MICAL1: variants seen among roughly 807,000 people sequenced by gnomAD.
The protein encoded by MICAL1 is microtubule associated monooxygenase, calponin and LIM domain containing 1, also known as [F-actin]-monooxygenase MICAL1.
Under a neutral mutation model 131.8 loss-of-function variants are expected in MICAL1, and 95 were observed. That is an observed-to-expected ratio of 0.72 (90% CI 0.61 to 0.86). The LOEUF is 0.86. Among genes scored for constraint, MICAL1 ranks in the 40% least tolerant of loss-of-function variants. The pLI is 0.00. For synonymous variants in MICAL1, 546 were observed against 554.2 expected, an observed-to-expected ratio of 0.99 and a Z score of 0.21; for missense variants, 1,292 against 1,380.6, an observed-to-expected ratio of 0.94 and a Z score of 1.02.
Position 109,455,637 on chromosome 6 carries a change from G to T in MICAL1, c.-44+82C>A. The T allele has an allele frequency of 1.1e-6, 1 of 904,554 alleles. No homozygotes were observed. Among genetic ancestry groups the T allele is most frequent in the Non-Finnish European group, 1.3e-6 (1 of 755,762 alleles). 56.0% of individuals were successfully genotyped at this position (904,554 alleles called of 1,614,324 possible). A position where few individuals can be genotyped will look rare whatever the true frequency, so the allele number is the denominator to read the frequency against. ...TGCCAGGCGTGGTTCCCGAGCGACCGCAGCTGCGTTTCCCCGGAAGCGCAC... is the reference window on the plus strand; with the variant it reads ...TGCCAGGCGTGGTTCCCGAGCGACCTCAGCTGCGTTTCCCCGGAAGCGCAC... On this transcript the variant is annotated intron_variant, in intron 1 of 24. Coordinates refer to ENST00000358807, the MANE Select transcript of MICAL1 (RefSeq NM_022765.4). This position sits in a 1 kb window ranked among gnomAD's most constrained non-coding sequence, Gnocchi z 4.7.
chr6:109,449,581 C>T (rs1419029912), intron 10 of MICAL1, 76 bp downstream of exon 10: 30 of 1,601,940 alleles, frequency 1.9e-5, no homozygotes, highest in African/African-American at 4.0e-5. Context: ...CAAAGGGCAG[C>T]GACTGGGCAG....
chr6:109,464,905 C>A (rs79528449), intron 1 of MICAL1: 1 of 152,154 alleles, frequency 6.6e-6, no homozygotes, highest in African/African-American at 2.4e-5. Flanking sequence ...AGTTATCAGA[C>A]ACAACACGTA....
Position 109,448,867 on chromosome 6 carries a change from G to GT in MICAL1, c.1528dup (p.Thr510AsnfsTer30). On this transcript the variant is annotated frameshift_variant, in exon 12 of 25. Coordinates refer to ENST00000358807, the MANE Select transcript of MICAL1 (RefSeq NM_022765.4). LOFTEE classifies it high-confidence loss of function. Reference sequence around the variant, plus strand: ...GCACCAGCGTAGCAGCTCCTCCTGGGTGCCTGCCGACCCTGGGAAAGAAGG... The same window carrying GT: ...GCACCAGCGTAGCAGCTCCTCCTGGGTTGCCTGCCGACCCTGGGAAAGAAGG... The GT allele has an allele frequency of 1.2e-6, 2 of 1,613,586 alleles. No homozygotes were observed. The highest frequency in any genetic ancestry group is 2.2e-5 in the South Asian group (2 of 91,082).
chr6:109,449,259 C>G, intron 11 of MICAL1, 141 bp downstream of exon 11: 1 of 919,048 alleles, frequency 1.1e-6, no homozygotes, highest in Non-Finnish European at 1.8e-6. Context: ...CTCCAGCAGG[C>G]CCCCAACCAA....
At position 109,452,569 on chromosome 6, in the gene MICAL1, CAGCTGGGCAGGGGGGTTGGGTTGG is replaced by C; in HGVS notation, c.594_617del (p.Gln199_Leu206del). 1 of 1,613,684 alleles carries C rather than the reference CAGCTGGGCAGGGGGGTTGGGTTGG, an allele frequency of 6.2e-7. No individual in the cohort carries two copies. Among genetic ancestry groups the C allele is most frequent in the Non-Finnish European group, 8.5e-7 (1 of 1,179,928 alleles). ...TAAGGACGTCAAATTCATAGTTGGC[CAGCTGGGCAGGGGGGTTGGGTTGG>C]AGCTGGGCACGCCAGCCACTCCCTA... On this transcript the variant is annotated inframe_deletion, in exon 5 of 25. Coordinates refer to ENST00000358807, the MANE Select transcript of MICAL1 (RefSeq NM_022765.4).
At chr6:109,464,501 C>T (rs1775985236) in intron 1 of MICAL1, 2 of 152,188 alleles carry the variant, frequency 1.3e-5, no homozygotes, top group African/African-American at 4.8e-5. Flanking sequence ...CCCCTACCAG[C>T]TTACATGAAA....
rs755069322 is a variant in MICAL1 at position 109,455,073 on chromosome 6, C to G, written c.-44+646G>C. Among the ~76,000 whole-genome samples, 1 of 150,442 alleles carries G rather than the reference C, an allele frequency of 6.6e-6. No individual in the cohort carries two copies. Among genetic ancestry groups the G allele is most frequent in the South Asian group, 2.1e-4 (1 of 4,722 alleles). The stretch of plus-strand genomic sequence containing the variant: ...CCGCCCCGCCCCCTGTGCGCCCGGG[C>G]GCGCTCTCCCAGGAATCTCCGGAGA... On this transcript the variant is annotated intron_variant, in intron 1 of 24. Coordinates refer to ENST00000358807, the MANE Select transcript of MICAL1 (RefSeq NM_022765.4). The surrounding 1 kb of genome is among the most constrained non-coding windows in gnomAD (Gnocchi z 4.7).
Position 109,447,344 on chromosome 6 carries a change from G to A in MICAL1, c.2070+13C>T, listed in dbSNP as rs1484413292. On this transcript the variant is annotated intron_variant, in intron 16 of 24. Transcript: ENST00000358807. ...CCCCGGGCCTCTGCCTGCACACAAA[G>A]CCTGGCTCTCACCTCCTGGTGTTGG... is the stretch of plus-strand genomic sequence containing the variant. 1 of 1,613,414 alleles carries A rather than the reference G, an allele frequency of 6.2e-7. No individual in the cohort carries two copies. Among genetic ancestry groups the A allele is most frequent in the Non-Finnish European group, 8.5e-7 (1 of 1,179,864 alleles).
In MICAL1 at chr6:109,450,455, G is replaced by A. The variant is rs1407500451; in HGVS notation, c.1036C>T (p.Leu346Phe). The A allele has an allele frequency of 3.1e-6, 5 of 1,613,448 alleles. No individual in the cohort carries two copies. The East Asian group carries it at 1.1e-4, about 36-fold the overall frequency. The change falls in exon 8 of 25, where the codon CTC becomes TTC. Residue 346 changes from leucine (L) to phenylalanine (F), a missense_variant. Leu to Phe is a conservative substitution (Grantham distance 22). Transcript: ENST00000358807. The stretch of plus-strand genomic sequence containing the variant: ...TCCTGGGCAAACTCTAGTTTCCCGA[G>A]CTTGCCATGGGTGGCAAAGTCAGCA... ...AAADFATHGK[L>F]GKLEFAQDAH...
intron 1 of MICAL1, among the ~76,000 whole-genome samples, chr6:109,461,628 A>G (rs1360920413): frequency 1.3e-5 from 2 of 152,158 alleles, no homozygotes; most frequent in Non-Finnish European, 2.9e-5. Flanking sequence ...CCTCAATTTT[A>G]GTCAAAAACT....
At chr6:109,455,845 G>A, upstream of MICAL1, 1 of 985,650 alleles carries the variant, frequency 1.0e-6, no homozygotes. This position sits in a 1 kb window ranked among gnomAD's most constrained non-coding sequence, Gnocchi z 4.7. Context: ...GGGATGCGGG[G>A]CGGCCCGGGG....
chr6:109,455,770 T>A lies in MICAL1; in HGVS notation c.-95A>T. 1.7e-6 allele frequency: 1 copy of A among 590,812 alleles called. No individual in the cohort carries two copies. The highest frequency in any genetic ancestry group is 2.0e-6 in the Non-Finnish European group (1 of 510,246). 36.6% of individuals were successfully genotyped at this position (590,812 alleles called of 1,614,324 possible). A position where few individuals can be genotyped will look rare whatever the true frequency, so the allele number is the denominator to read the frequency against. On this transcript the variant is annotated 5_prime_UTR_variant, in exon 1 of 25. Coordinates refer to ENST00000358807, the MANE Select transcript of MICAL1 (RefSeq NM_022765.4). The surrounding 1 kb of genome is among the most constrained non-coding windows in gnomAD (Gnocchi z 4.7). ...GCTTCCTGTTGGGCTGGCAACCAGGTCTGAGCGGGTGGGAGGGCGGGGGCG... is the reference window on the plus strand; with the variant it reads ...GCTTCCTGTTGGGCTGGCAACCAGGACTGAGCGGGTGGGAGGGCGGGGGCG...
chr6:109,453,191 C>T, intron 4 of MICAL1, 72 bp downstream of exon 4: 1 of 1,232,188 alleles, frequency 8.1e-7, no homozygotes, highest in Non-Finnish European at 1.2e-6. Context: ...ACTCCTGGCC[C>T]ATCCTTTTTC....
upstream of MICAL1, among the ~76,000 whole-genome samples, chr6:109,460,119 T>C (rs1775849247): frequency 6.6e-6 from 1 of 152,066 alleles, no homozygotes; most frequent in Non-Finnish European, 1.5e-5. Flanking sequence ...CTAAGATCCC[T>C]TGCTGTTACC....
Position 109,445,812 on chromosome 6 carries a change from C to T in MICAL1, c.2632G>A (p.Glu878Lys). The T allele has an allele frequency of 6.2e-7, 1 of 1,611,662 alleles. No individual in the cohort carries two copies. The highest frequency in any genetic ancestry group is 1.1e-5 in the South Asian group (1 of 90,436). Residue 878 changes from glutamate (E) to lysine (K), a missense_variant, in exon 20 of 25, where the codon GAG becomes AAG. Coordinates refer to ENST00000358807, the MANE Select transcript of MICAL1 (RefSeq NM_022765.4). The part of the protein sequence containing the change: ...EEKESPFSSE[E>K]EEEDVPLDSD... ...TCCAAAGGCACATCTTCTTCTTCCT[C>T]TTCACTGGAGAAGGGACTCTCTTTT...
At chr6:109,461,601 T>C (rs1775889853) in intron 1 of MICAL1, among the ~76,000 whole-genome samples, 1 of 152,118 alleles carries the variant, frequency 6.6e-6, no homozygotes, top group Non-Finnish European at 1.5e-5. Context: ...AAGTATGCTA[T>C]AATTCCAGAC....
At chr6:109,445,569 C>A (rs766577825) in intron 20 of MICAL1, 40 bp from the exon 21 acceptor site, 1 of 1,605,958 alleles carries the variant, frequency 6.2e-7, no homozygotes, top group South Asian at 1.1e-5. Context: ...GGGCCTGGGC[C>A]CCCTGGTGGA....
intron 11 of MICAL1, chr6:109,449,133 CTG>C: frequency 1.5e-6 from 1 of 661,884 alleles, no homozygotes; most frequent in Non-Finnish European, 2.6e-6. Context: ...GCAGACTAAA[CTG>C]GGGGCAGGGG....
At chr6:109,455,800 CG>C, upstream of MICAL1, 1 of 180,896 alleles carries the variant, frequency 5.5e-6, no homozygotes, top group Non-Finnish European at 6.4e-6. This position sits in a 1 kb window ranked among gnomAD's most constrained non-coding sequence, Gnocchi z 4.7. Flanking sequence ...GGGGCGGGGG[CG>C]GGGGCGGAAA....
Sources: allele counts gnomAD v4.1 joint callset (sites outside exome capture counted in the v4.1 genomes callset), GRCh38; gene constraint gnomAD v4.1.1; non-coding constraint Gnocchi (gnomAD v3.1); transcripts MANE v1.5; gene names NCBI Gene and HGNC (gene_info 2026-07-23, HGNC 2026-07-21).